Variants in DGKB observed in about 807,000 individuals in gnomAD.
DGKB encodes diacylglycerol kinase beta.
Under a neutral mutation model 114.3 loss-of-function variants are expected in DGKB, and 67 were observed. That is an observed-to-expected ratio of 0.59 (90% CI 0.48 to 0.72). DGKB has a LOEUF of 0.72. DGKB is among the 30% of genes least tolerant of loss of function. DGKB has a pLI of 0.00. For synonymous variants in DGKB, 398 were observed against 323.1 expected (o/e 1.23, Z -2.49); for missense variants, 907 against 975.2 (o/e 0.93, Z 0.93).
At chr7:14,797,470 A>G (rs762844941) in intron 2 of DGKB, among the ~76,000 whole-genome samples, 6 of 152,190 alleles carry the variant, frequency 3.9e-5, no homozygotes, top group Admixed American at 6.5e-5. Context: ...GGCTACAAAT[A>G]TAAGGATAAC....
intron 25 of DGKB, among the ~76,000 whole-genome samples, chr7:14,160,197 C>A (rs1337424075): frequency 6.6e-6 from 1 of 152,082 alleles, no homozygotes; most frequent in East Asian, 1.9e-4. Flanking sequence ...TGGAAGCATT[C>A]CCTTTGAAAA....
chr7:14,954,589 G>A (rs903250521), intron 1 of DGKB, among the ~76,000 whole-genome samples: 7 of 151,956 alleles, frequency 4.6e-5, no homozygotes, highest in African/African-American at 1.4e-4. Context: ...AGACATCCAG[G>A]CAAGTGTGAT....
intron 21 of DGKB, among the ~76,000 whole-genome samples, chr7:14,422,201 T>G (rs139324515): frequency 1.3e-5 from 2 of 152,214 alleles, no homozygotes; most frequent in African/African-American, 4.8e-5. Context: ...CTAAATATGA[T>G]TAATCTGGTG....
intron 2 of DGKB, among the ~76,000 whole-genome samples, chr7:14,792,265 G>A (rs914641233): frequency 1.3e-5 from 2 of 152,122 alleles, no homozygotes; most frequent in African/African-American, 4.8e-5. Flanking sequence ...TGTAATGAAA[G>A]TTAAATATAA....
intron 13 of DGKB, among the ~76,000 whole-genome samples, chr7:14,665,393 G>A (rs1213189357): frequency 2.0e-5 from 3 of 151,864 alleles, no homozygotes; most frequent in Non-Finnish European, 4.4e-5. Flanking sequence ...GGAGGAAGAG[G>A]ATGAGGAAAA....
chr7:14,437,813 A>G (rs1236553524), intron 21 of DGKB, among the ~76,000 whole-genome samples: 1 of 150,498 alleles, frequency 6.6e-6, no homozygotes, highest in Non-Finnish European at 1.5e-5. Context: ...TTAGGAAATG[A>G]CTATAAGATT....
intron 20 of DGKB, among the ~76,000 whole-genome samples, chr7:14,565,914 AT>A (rs1198499931): frequency 2.6e-5 from 4 of 151,928 alleles, no homozygotes; most frequent in Admixed American, 2.0e-4. Flanking sequence ...CCAGATTAAT[AT>A]TTTTTCTTCA....
intron 1 of DGKB, among the ~76,000 whole-genome samples, chr7:14,866,556 C>T (rs1851740047): frequency 6.6e-6 from 1 of 152,098 alleles, no homozygotes; most frequent in African/African-American, 2.4e-5. Flanking sequence ...CTTTTCATGG[C>T]TTGATAGCTA....
At chr7:14,759,806 T>C (rs1278109427) in intron 2 of DGKB, among the ~76,000 whole-genome samples, 2 of 152,160 alleles carry the variant, frequency 1.3e-5, no homozygotes, top group Admixed American at 6.5e-5. Context: ...ACAGTAACTC[T>C]ATGTTTAGTG....
intron 2 of DGKB, among the ~76,000 whole-genome samples, chr7:14,790,664 T>C (rs1042285040): frequency 1.3e-5 from 2 of 152,190 alleles, no homozygotes; most frequent in Non-Finnish European, 2.9e-5. Context: ...TGTTGATCTA[T>C]GCTTTAATCC....
intron 25 of DGKB, among the ~76,000 whole-genome samples, chr7:14,169,952 T>C (rs1002252536): frequency 1.7e-4 from 26 of 151,594 alleles, no homozygotes; most frequent in Non-Finnish European, 3.2e-4. Flanking sequence ...CTGACCAACA[T>C]GGAGAAACCC....
At chr7:14,774,831 A>G (rs1171303429) in intron 2 of DGKB, among the ~76,000 whole-genome samples, 2 of 152,152 alleles carry the variant, frequency 1.3e-5, no homozygotes, top group Admixed American at 6.6e-5. Context: ...TCTTCTTTCC[A>G]TCACAGATTT....
rs2128208440 is a variant in DGKB, at chr7:14,148,867, A to C, written c.*264T>G. 2.2e-6 allele frequency: 1 copy of C among 452,238 alleles called. No homozygotes were observed. The highest frequency in any genetic ancestry group is 4.0e-5 in the Admixed American group (1 of 24,822). The allele number at this position is 452,238 out of a possible 1,614,324, so 28.0% of individuals were successfully genotyped here. The stretch of plus-strand genomic sequence containing the variant: ...GGGGAAGAGTTGGGTGGGAGATGTA[A>C]AAATCTATGGGAATGCATGCACCAA... On this transcript the variant is annotated 3_prime_UTR_variant, in exon 26 of 26. Coordinates refer to ENST00000402815, the MANE Select transcript of DGKB (RefSeq NM_001350709.2).
At chr7:14,466,588 A>G (rs1332136430) in intron 21 of DGKB, among the ~76,000 whole-genome samples, 1 of 151,814 alleles carries the variant, frequency 6.6e-6, no homozygotes, top group Non-Finnish European at 1.5e-5. Context: ...CTTGTTTACT[A>G]CTGTATCCTC....
rs1357871068 is a variant in DGKB, at chr7:14,178,038, C to A, written c.2236G>T (p.Val746Phe). 1 of 1,575,634 alleles carries A rather than the reference C, an allele frequency of 6.3e-7. No individual in the cohort carries two copies. Residue 746 changes from valine to phenylalanine, a missense_variant, in exon 24 of 26, where the codon GTC becomes TTC. Coordinates refer to ENST00000402815, the MANE Select transcript of DGKB (RefSeq NM_001350709.2). ...TTACAGAAAGGGAACTACCTGATGA[C>A]CACGCAGGAGCACTGAGCCAGCCGC... ...GRRLAQCSCV[V>F]IRTSKSLPMQ... is the part of the protein sequence containing the mutation.
intron 13 of DGKB, among the ~76,000 whole-genome samples, chr7:14,658,642 A>G (rs1816349166): frequency 6.6e-6 from 1 of 151,904 alleles, no homozygotes; most frequent in Non-Finnish European, 1.5e-5. Flanking sequence ...TGATCATTAC[A>G]CATTTTATGC....
At chr7:14,852,187 T>C (rs1849438959) in intron 1 of DGKB, among the ~76,000 whole-genome samples, 1 of 152,140 alleles carries the variant, frequency 6.6e-6, no homozygotes, top group Admixed American at 6.5e-5. Flanking sequence ...TTTTAACATA[T>C]GCTGAAAGAA....
upstream of DGKB, among the ~76,000 whole-genome samples, chr7:14,906,088 T>C (rs1783692017): frequency 6.6e-6 from 1 of 152,134 alleles, no homozygotes; most frequent in African/African-American, 2.4e-5. Flanking sequence ...TAAAGTTATC[T>C]AGAATCTAAT....
At chr7:14,158,888 A>G (rs10950510) in intron 25 of DGKB, among the ~76,000 whole-genome samples, 10,430 of 152,072 alleles carry the variant, frequency 0.069, 428 homozygotes, top group Admixed American at 0.12. Flanking sequence ...CCAATAATCT[A>G]TTATTGACTC....
Sources: gnomAD v4.1 joint callset for allele counts (sites outside exome capture counted in the v4.1 genomes callset) on GRCh38, gnomAD v4.1.1 for gene constraint, MANE v1.5 for transcripts, NCBI Gene and HGNC (gene_info 2026-07-23, HGNC 2026-07-21) for gene names.